The following BTN3A1 variants were observed in gnomAD, a reference collection of about 807,000 sequenced individuals.
BTN3A1 encodes dJ45P21.3 (butyrophilin, subfamily 3, member A1).
Under a neutral mutation model 43.0 loss-of-function variants are expected in BTN3A1, and 24 were observed. The observed-to-expected ratio is 0.56, with a 90% CI of 0.40 to 0.78. The LOEUF is 0.78. Ranked by LOEUF, BTN3A1 falls within the 30% of genes least tolerant of loss-of-function variation. The pLI is 0.00. For synonymous variants in BTN3A1, 181 were observed against 234.7 expected (o/e 0.77, Z 2.09); for missense variants, 533 against 626.2 (o/e 0.85, Z 1.59).
At position 26,405,402 on chromosome 6, in the gene BTN3A1, A is replaced by T; in HGVS notation, c.-162A>T. 1.6e-6 allele frequency: 1 copy of T among 637,046 alleles called. No individual in the cohort carries two copies. The allele number at this position is 637,046 out of a possible 1,614,324, so 39.5% of individuals were successfully genotyped here. ...TTTCAATGTTGGGACTCAAAGGTGA[A>T]GACACTGAAGGACAGAATTTTTGGC... On this transcript the variant is annotated 5_prime_UTR_variant, in exon 2 of 10. In the 5' UTR this introduces an upstream ATG that the reference lacks. Transcript: ENST00000289361.
rs764572510 is a variant in BTN3A1 at position 26,405,558 on chromosome 6, G to A, written c.-6G>A. On this transcript the variant is annotated 5_prime_UTR_variant, in exon 2 of 10. Coordinates refer to ENST00000289361, the MANE Select transcript of BTN3A1 (RefSeq NM_007048.6). ...ACCTTCCAGTATCTCCTGATATGCAGCATGAATGAAAATGGCAAGTTTCCT... is the reference window on the plus strand; with the variant it reads ...ACCTTCCAGTATCTCCTGATATGCAACATGAATGAAAATGGCAAGTTTCCT... 1.2e-6 allele frequency: 2 copies of A among 1,613,960 alleles called. No homozygotes were observed. The highest frequency in any genetic ancestry group is 3.3e-5 in the Admixed American group (2 of 60,024).
intron 1 of BTN3A1, 87 bp from the exon 2 acceptor site, chr6:26,405,285 A>G: frequency 4.0e-6 from 2 of 496,786 alleles, no homozygotes; most frequent in Non-Finnish European, 7.3e-6. Context: ...TGGGGAAGTC[A>G]TAGGATTCTG....
At position 26,414,950 on chromosome 6, in the gene BTN3A1, C is replaced by G. The variant is rs956386209; in HGVS notation, c.*1258C>G. ...CCACCCACCTCGGTCTCCCAAAGTG[C>G]TGGGATTACAGGCTTGAGCCACCGG... On this transcript the variant is annotated 3_prime_UTR_variant, in exon 10 of 10. Coordinates refer to ENST00000289361, the MANE Select transcript of BTN3A1 (RefSeq NM_007048.6). The G allele has an allele frequency of 5.2e-4, 79 of 152,186 alleles. 1 individual carries two copies. The allele number at this position is 152,186 out of a possible 1,614,324, so 9.4% of individuals were successfully genotyped here.
chr6:26,408,075 C>G, intron 4 of BTN3A1, 123 bp downstream of exon 4: 2 of 1,447,136 alleles, frequency 1.4e-6, no homozygotes, highest in South Asian at 1.4e-5. Context: ...AAGCACAGAC[C>G]TGGAGGCTCC....
chr6:26,403,870 G>GA (rs200791952), intron 1 of BTN3A1, among the ~76,000 whole-genome samples: 1,580 of 151,412 alleles, frequency 0.01, 24 homozygotes, highest in African/African-American at 0.034. Context: ...CTATAATCAG[G>GA]AAAAAAAATA....
intron 2 of BTN3A1, 103 bp from the exon 3 acceptor site, chr6:26,405,806 C>T: frequency 1.9e-6 from 3 of 1,598,968 alleles, no homozygotes; most frequent in Non-Finnish European, 2.6e-6. Flanking sequence ...CAGTTTCCCC[C>T]ACCAGTTTCT....
At chr6:26,410,082 C>T in intron 7 of BTN3A1, 50 bp downstream of exon 7, 2 of 1,606,736 alleles carry the variant, frequency 1.2e-6, no homozygotes, top group South Asian at 2.2e-5. Flanking sequence ...ACTGTCTGTG[C>T]TTGAATAGTT....
In BTN3A1 at chr6:26,409,891, C is replaced by T; in HGVS notation, c.917-3C>T. On this transcript the variant is annotated splice_polypyrimidine_tract_variant and splice_region_variant and intron_variant, in intron 5 of 9. Coordinates refer to ENST00000289361, the MANE Select transcript of BTN3A1 (RefSeq NM_007048.6). ...TTCATTATTATTTCTGCTTATTTTC[C>T]AGTGAAGCTCCTGGAGGAACTCAGT... The T allele has an allele frequency of 4.3e-6, 7 of 1,614,158 alleles. No individual in the cohort carries two copies. The highest frequency in any genetic ancestry group is 5.9e-6 in the Non-Finnish European group (7 of 1,180,012).
At chr6:26,412,426 C>T (rs1053212416) in intron 9 of BTN3A1, 8 of 1,268,716 alleles carry the variant, frequency 6.3e-6, no homozygotes, top group Non-Finnish European at 9.0e-6. Flanking sequence ...TCCCATTGGC[C>T]AAACCCAACA....
chr6:26,413,149 C>T lies in BTN3A1; in HGVS notation c.1019-20C>T. On this transcript the variant is annotated intron_variant, in intron 9 of 9. Transcript: ENST00000289361. Reference sequence around the variant, plus strand: ...GGAAAAATGGTTGACCTCATGGACACTTCCTCAAACTCTCTGCAGCGGATG... The same window carrying T: ...GGAAAAATGGTTGACCTCATGGACATTTCCTCAAACTCTCTGCAGCGGATG... 1.3e-6 allele frequency: 2 copies of T among 1,595,022 alleles called. No individual in the cohort carries two copies. The highest frequency in any genetic ancestry group is 1.7e-6 in the Non-Finnish European group (2 of 1,170,408).
rs989802303 is a variant in BTN3A1, at chr6:26,414,666, A to C, written c.*974A>C. 1 of 151,704 alleles carries C rather than the reference A, an allele frequency of 6.6e-6. No individual in the cohort carries two copies. Among genetic ancestry groups the C allele is most frequent in the Admixed American group, 6.5e-5 (1 of 15,270 alleles). The allele number at this position is 151,704 out of a possible 1,614,324, so 9.4% of individuals were successfully genotyped here. A position where few individuals can be genotyped will look rare whatever the true frequency, so the allele number is the denominator to read the frequency against. On this transcript the variant is annotated 3_prime_UTR_variant, in exon 10 of 10. Transcript: ENST00000289361. The stretch of plus-strand genomic sequence containing the variant: ...CTCTGTGATATAGGAAATTTGGATG[A>C]AGGGAGCTAGAAGAAATACAGGGAT...
chr6:26,407,995 G>A, intron 4 of BTN3A1, 43 bp downstream of exon 4: 1 of 1,604,728 alleles, frequency 6.2e-7, no homozygotes, highest in Non-Finnish European at 8.5e-7. Flanking sequence ...CTGGGCTGTG[G>A]CAGTTGAATG....
intron 4 of BTN3A1, 81 bp from the exon 5 acceptor site, chr6:26,409,452 G>A: frequency 1.5e-6 from 2 of 1,310,256 alleles, no homozygotes; most frequent in Non-Finnish European, 2.2e-6. Context: ...GACCTGGGGT[G>A]AGCAGCTAAC....
At chr6:26,409,297 C>T (rs1762124014) in intron 4 of BTN3A1, among the ~76,000 whole-genome samples, 1 of 152,214 alleles carries the variant, frequency 6.6e-6, no homozygotes, top group South Asian at 2.1e-4. Context: ...TCAAGTCACT[C>T]ACTTTCCACA....
chr6:26,409,378 T>C (rs998687429), intron 4 of BTN3A1, among the ~76,000 whole-genome samples, 155 bp from the exon 5 acceptor site: 1 of 152,212 alleles, frequency 6.6e-6, no homozygotes, highest in Admixed American at 6.5e-5. Flanking sequence ...TCTTACCCAC[T>C]GTCCTCTGAG....
intron 5 of BTN3A1, 37 bp from the exon 6 acceptor site, chr6:26,409,857 C>A: frequency 6.2e-7 from 1 of 1,614,128 alleles, no homozygotes; most frequent in South Asian, 1.1e-5. Context: ...ACCCCCTCAC[C>A]TGTAACAGTT....
At chr6:26,410,093 T>A in intron 7 of BTN3A1, 61 bp downstream of exon 7, 1 of 1,600,766 alleles carries the variant, frequency 6.2e-7, no homozygotes, top group Non-Finnish European at 8.6e-7. Context: ...TTGAATAGTT[T>A]CCACTCTTAA....
At chr6:26,411,628 A>C (rs756388157) in intron 9 of BTN3A1, 47 bp downstream of exon 9, 2 of 1,587,418 alleles carry the variant, frequency 1.3e-6, no homozygotes, top group Admixed American at 3.6e-5. Context: ...CTGAGGGACT[A>C]TATTCCTTTT....
Position 26,407,815 on chromosome 6 carries a change from C to G in BTN3A1, c.578C>G (p.Pro193Arg), listed in dbSNP as rs148613503. The change falls in exon 4 of 10, where the codon CCT (proline) becomes CGT (arginine). Residue 193 changes from proline (P) to arginine (R), a missense_variant. Physicochemically the swap from Pro to Arg is moderately radical, Grantham distance 103. Coordinates refer to ENST00000289361, the MANE Select transcript of BTN3A1 (RefSeq NM_007048.6). ...GAGAACATCCCGACTGTGGAAGCAC[C>G]TGTGGTTGCAGACGGAGTGGGCCTG... Reference protein sequence around the residue: ...KGENIPTVEAPVVADGVGLYA... With the variant: ...KGENIPTVEARVVADGVGLYA... 7.7e-5 allele frequency: 125 copies of G among 1,614,230 alleles called. No homozygotes were observed. The African/African-American group carries it at 1.2e-3, about 16-fold the overall frequency.
Sources: allele counts gnomAD v4.1 joint callset (sites outside exome capture counted in the v4.1 genomes callset), GRCh38; gene constraint gnomAD v4.1.1; transcripts MANE v1.5; gene names NCBI Gene and HGNC (gene_info 2026-07-23, HGNC 2026-07-21).